The following MBOAT1 variants were observed in gnomAD, a reference collection of about 807,000 sequenced individuals.
MBOAT1 encodes the protein membrane bound glycerophospholipid O-acyltransferase 1.
Under a neutral mutation model 64.4 loss-of-function variants are expected in MBOAT1, and 67 were observed. The ratio of observed to expected loss-of-function variants is 1.04; its 90% confidence interval spans 0.85 to 1.27. MBOAT1 has a LOEUF of 1.27. MBOAT1 is among the 50% of genes most tolerant of loss of function. The pLI is 0.00. For synonymous variants in MBOAT1, 229 were observed against 218.9 expected (o/e 1.05, Z -0.41); for missense variants, 563 against 604.6 (o/e 0.93, Z 0.72).
At chr6:20,123,453 C>T (rs1760551990) in intron 8 of MBOAT1, among the ~76,000 whole-genome samples, 1 of 152,136 alleles carries the variant, frequency 6.6e-6, no homozygotes, top group Non-Finnish European at 1.5e-5. Context: ...TCTAAGTATA[C>T]AGATGGGTTT....
intron 9 of MBOAT1, among the ~76,000 whole-genome samples, chr6:20,116,325 C>G (rs573759232): frequency 6.6e-6 from 1 of 151,424 alleles, no homozygotes; most frequent in South Asian, 2.1e-4. Context: ...TGGCAAGACT[C>G]CATCTCAAAA....
chr6:20,129,248 T>A (rs924649349), intron 5 of MBOAT1, among the ~76,000 whole-genome samples: 9 of 151,916 alleles, frequency 5.9e-5, no homozygotes, highest in African/African-American at 2.2e-4. Flanking sequence ...CAATAAAAAA[T>A]AAAAAATAAA....
At chr6:20,174,197 C>T (rs55770814) in intron 1 of MBOAT1, among the ~76,000 whole-genome samples, 25,651 of 152,144 alleles carry the variant, frequency 0.17, 2,307 homozygotes, top group East Asian at 0.37. Context: ...GGATTCTTGG[C>T]ACCTAGCACA....
chr6:20,196,445 G>T (rs569727924), intron 1 of MBOAT1, among the ~76,000 whole-genome samples: 4 of 152,156 alleles, frequency 2.6e-5, no homozygotes, highest in African/African-American at 7.2e-5. Flanking sequence ...GAGGAAGAAG[G>T]GGGGATAGGG....
Position 20,205,959 on chromosome 6 carries a change from C to T in MBOAT1, c.99+6177G>A, listed in dbSNP as rs547392080. Among the ~76,000 whole-genome samples the T allele has an allele frequency of 1.3e-4, 20 of 152,252 alleles. No homozygotes were observed. In the South Asian group the frequency reaches 3.9e-3, roughly 30 times the overall value. On this transcript the variant is annotated intron_variant, in intron 1 of 12. Transcript: ENST00000324607. Reference sequence around the variant, plus strand: ...CTCCCCAACCCTCACTCGCGGCTCGCAAGCTCCACTTCTCAACTTGCATCC... The same window carrying T: ...CTCCCCAACCCTCACTCGCGGCTCGTAAGCTCCACTTCTCAACTTGCATCC...
intron 3 of MBOAT1, among the ~76,000 whole-genome samples, chr6:20,148,040 C>G (rs1761378152): frequency 6.6e-6 from 1 of 152,250 alleles, no homozygotes; most frequent in Non-Finnish European, 1.5e-5. Flanking sequence ...ATGCCTGTGA[C>G]TTCTGCCCAA....
rs376476886 is a variant in MBOAT1 at position 20,202,014 on chromosome 6, G to T, written c.99+10122C>A. Reference sequence around the variant, plus strand: ...AGAGCAAAAAATAATACTGGGGCAGGGGGTGGGGGAGTCTTAGGAACAAAG... The same window carrying T: ...AGAGCAAAAAATAATACTGGGGCAGTGGGTGGGGGAGTCTTAGGAACAAAG... On this transcript the variant is annotated intron_variant, in intron 1 of 12. Transcript: ENST00000324607. Among the ~76,000 whole-genome samples the T allele has an allele frequency of 2.0e-5, 3 of 152,096 alleles. No individual in the cohort carries two copies. The East Asian group carries it at 5.8e-4, about 29-fold the overall frequency.
chr6:20,136,317 T>C (rs972070660), intron 4 of MBOAT1, among the ~76,000 whole-genome samples: 1 of 152,240 alleles, frequency 6.6e-6, no homozygotes. Flanking sequence ...ATTTAACTTC[T>C]ATATTTTGGC....
chr6:20,133,514 T>C (rs1044124830), intron 4 of MBOAT1, among the ~76,000 whole-genome samples: 4 of 152,176 alleles, frequency 2.6e-5, no homozygotes, highest in Non-Finnish European at 5.9e-5. Flanking sequence ...AAACACGGCC[T>C]TCAAAGCACA....
intron 1 of MBOAT1, among the ~76,000 whole-genome samples, chr6:20,189,825 T>C (rs1184076055): frequency 1.3e-5 from 2 of 152,126 alleles, no homozygotes; most frequent in Non-Finnish European, 2.9e-5. Flanking sequence ...TAGCATAATG[T>C]CCCCCAGGTT....
chr6:20,113,975 T>C (rs1410822404), intron 10 of MBOAT1, among the ~76,000 whole-genome samples: 2 of 151,874 alleles, frequency 1.3e-5, no homozygotes, highest in African/African-American at 4.8e-5. Context: ...AAGAATGCAG[T>C]TGGAGAGATG....
At chr6:20,164,836 T>C (rs1761971065) in intron 1 of MBOAT1, among the ~76,000 whole-genome samples, 1 of 152,206 alleles carries the variant, frequency 6.6e-6, no homozygotes, top group South Asian at 2.1e-4. Flanking sequence ...GTGACTTGCA[T>C]TCAGTAGAAA....
chr6:20,152,708 A>G lies in MBOAT1; in HGVS notation c.161T>C (p.Leu54Ser), dbSNP rs140372115. The change falls in exon 2 of 13, where the codon TTA (leucine) becomes TCA (serine). Residue 54 changes from leucine (L) to serine (S), a missense_variant. By Grantham distance (145) the Leu-to-Ser change is moderately radical. Transcript: ENST00000324607. ...LFAAFWFRIYLRPGTTSSDVR... is the reference protein window; with the variant it reads ...LFAAFWFRIYSRPGTTSSDVR... ...ATCAGAGCTGGTTGTACCAGGACGT[A>G]AGTAGATGCGAAACCAGAAAGCAGC... 30 of 1,612,286 alleles carry G rather than the reference A, an allele frequency of 1.9e-5. No individual in the cohort carries two copies. The highest frequency in any genetic ancestry group is 1.6e-4 in the Middle Eastern group (1 of 6,084).
intron 1 of MBOAT1, among the ~76,000 whole-genome samples, chr6:20,204,936 A>G (rs1364916493): frequency 1.3e-5 from 2 of 152,144 alleles, no homozygotes; most frequent in East Asian, 3.9e-4. Context: ...GTAGCTCACA[A>G]CTATAATCCC....
chr6:20,120,424 G>A (rs1042255593), intron 8 of MBOAT1, among the ~76,000 whole-genome samples: 2 of 151,952 alleles, frequency 1.3e-5, no homozygotes, highest in Admixed American at 6.6e-5. Context: ...TCATGTAACC[G>A]CTGGGATGAC....
In MBOAT1 at chr6:20,102,337, C is replaced by T. The variant is rs139590851; in HGVS notation, c.1437G>A (p.Thr479=). The T allele has an allele frequency of 2.5e-6, 4 of 1,613,650 alleles. No homozygotes were observed. The highest frequency in any genetic ancestry group is 1.7e-5 in the Admixed American group (1 of 59,972). ...LFLPMKPQAH[T]QRRPQTLNSI... ...AGTTCAGAGTCTGAGGCCGCCTTTGCGTATGAGCTTGTGGTTTCATTGGCA... is the reference window on the plus strand; with the variant it reads ...AGTTCAGAGTCTGAGGCCGCCTTTGTGTATGAGCTTGTGGTTTCATTGGCA... Residue 479 remains threonine (T), a synonymous_variant, in exon 13 of 13, where the codon ACG becomes ACA. Transcript: ENST00000324607.
chr6:20,102,288 A>G lies in MBOAT1; in HGVS notation c.1486T>C (p.Ter496ArgextTer17), dbSNP rs1423340524. ...TTGTTCCGCTTCTCTTGGAGGTATCAATCTGTTTTTCTCTTATTAATAGAG... is the reference window on the plus strand; with the variant it reads ...TTGTTCCGCTTCTCTTGGAGGTATCGATCTGTTTTTCTCTTATTAATAGAG... ...LNSINKRKTD[*>R] is the part of the protein sequence containing the mutation. The change falls in exon 13 of 13, where the codon TGA becomes CGA. Residue 496 changes from the stop codon to arginine (R), a stop_lost. Coordinates refer to ENST00000324607, the MANE Select transcript of MBOAT1 (RefSeq NM_001080480.3). 2.5e-6 allele frequency: 4 copies of G among 1,612,880 alleles called. No homozygotes were observed. In the Admixed American group the frequency reaches 5.0e-5, roughly 20 times the overall value.
chr6:20,206,421 G>T (rs1021785203), intron 1 of MBOAT1, among the ~76,000 whole-genome samples: 37 of 152,148 alleles, frequency 2.4e-4, no homozygotes, highest in African/African-American at 8.2e-4. Context: ...TGATCTGGCC[G>T]CCTCGGCCTC....
chr6:20,137,361 AC>A (rs1761028323), intron 4 of MBOAT1, among the ~76,000 whole-genome samples: 1 of 152,058 alleles, frequency 6.6e-6, no homozygotes. Context: ...TCCAAAGAAA[AC>A]TCGATTTGCA....
Sources: allele counts gnomAD v4.1 joint callset (sites outside exome capture counted in the v4.1 genomes callset), GRCh38; gene constraint gnomAD v4.1.1; transcripts MANE v1.5; gene names NCBI Gene and HGNC (gene_info 2026-07-23, HGNC 2026-07-21).